The following MAPKAP1 variants were observed in gnomAD, a reference collection of about 807,000 sequenced individuals.
MAPKAP1 encodes MAPK associated protein 1, also known as target of rapamycin complex 2 subunit MAPKAP1.
Under a neutral mutation model 65.7 loss-of-function variants are expected in MAPKAP1, and 20 were observed. The ratio of observed to expected loss-of-function variants is 0.30; its 90% CI spans 0.21 to 0.44. The LOEUF is 0.44. Among genes scored for constraint, MAPKAP1 ranks in the 20% least tolerant of loss-of-function variants. The pLI is 1.00. For synonymous variants in MAPKAP1, 222 were observed against 244.3 expected (o/e 0.91, Z 0.85); for missense variants, 423 against 648.0 (o/e 0.65, Z 3.77).
intron 1 of MAPKAP1, among the ~76,000 whole-genome samples, chr9:125,694,601 G>GC (rs1480185862): frequency 1.3e-5 from 2 of 151,894 alleles, no homozygotes; most frequent in African/African-American, 4.8e-5. Flanking sequence ...CGTTTTCCCC[G>GC]CCCCCTCTCC....
At chr9:125,581,602 T>C (rs1247675328) in intron 5 of MAPKAP1, among the ~76,000 whole-genome samples, 1 of 152,236 alleles carries the variant, frequency 6.6e-6, no homozygotes, top group East Asian at 1.9e-4. Context: ...AGATATGTGG[T>C]TTACAAATAT....
chr9:125,552,278 A>C (rs142515605), intron 6 of MAPKAP1, among the ~76,000 whole-genome samples: 1 of 152,110 alleles, frequency 6.6e-6, no homozygotes, highest in Non-Finnish European at 1.5e-5. Flanking sequence ...CTGAACAACA[A>C]CTCTATCCAG....
rs567173726 is a variant in MAPKAP1, at chr9:125,481,420, T to C, written c.1207+3023A>G. ...GTCTTGACCACAGTTGGGCTACTTA[T>C]TGGGCTTCTTTTTTTCCTTTGAGAC... On this transcript the variant is annotated intron_variant, in intron 9 of 11. Coordinates refer to ENST00000265960, the MANE Select transcript of MAPKAP1 (RefSeq NM_001006617.3). Among the ~76,000 whole-genome samples the C allele has an allele frequency of 5.3e-4, 80 of 152,268 alleles. 1 individual carries two copies. Among genetic ancestry groups the C allele is most frequent in the African/African-American group, 1.8e-3 (74 of 41,556 alleles).
rs532112154 is a variant in MAPKAP1 at position 125,636,964 on chromosome 9, T to C, written c.498+20687A>G. Among the ~76,000 whole-genome samples, 4 of 152,268 alleles carry C rather than the reference T, an allele frequency of 2.6e-5. No homozygotes were observed. In the East Asian group the frequency reaches 7.7e-4, roughly 29 times the overall value. On this transcript the variant is annotated intron_variant, in intron 4 of 11. Coordinates refer to ENST00000265960, the MANE Select transcript of MAPKAP1 (RefSeq NM_001006617.3). ...TGATTAGAAATGCCACAAGTCAATA[T>C]CTAATTAAATTTATTGCAAACTGGC...
intron 5 of MAPKAP1, among the ~76,000 whole-genome samples, chr9:125,562,355 G>A (rs557785109): frequency 6.6e-6 from 1 of 152,280 alleles, no homozygotes; most frequent in South Asian, 2.1e-4. Context: ...GTGCCCCCCT[G>A]GGCTGTGGCC....
chr9:125,533,677 G>A (rs1312994364), intron 7 of MAPKAP1, among the ~76,000 whole-genome samples: 4 of 152,054 alleles, frequency 2.6e-5, no homozygotes, highest in African/African-American at 9.7e-5. Flanking sequence ...TCTCAAACTC[G>A]ACCTCAGGTG....
intron 4 of MAPKAP1, among the ~76,000 whole-genome samples, chr9:125,644,505 T>C (rs554504538): frequency 6.6e-6 from 1 of 152,358 alleles, no homozygotes; most frequent in Admixed American, 6.5e-5. Context: ...TAATGTAATA[T>C]CGAAGTCACA....
intron 10 of MAPKAP1, among the ~76,000 whole-genome samples, chr9:125,458,441 G>T (rs1179606613): frequency 6.6e-6 from 1 of 151,926 alleles, no homozygotes; most frequent in African/African-American, 2.4e-5. Flanking sequence ...CTGCCTTCAA[G>T]CATCTGTTTA....
intron 11 of MAPKAP1, among the ~76,000 whole-genome samples, chr9:125,440,049 C>T (rs1397606035): frequency 6.6e-6 from 1 of 152,200 alleles, no homozygotes; most frequent in Non-Finnish European, 1.5e-5. Flanking sequence ...GTCCCTGGAA[C>T]TGCGAGAGCT....
intron 11 of MAPKAP1, among the ~76,000 whole-genome samples, chr9:125,440,854 G>T (rs1184346550): frequency 5.3e-5 from 8 of 152,174 alleles, no homozygotes; most frequent in Non-Finnish European, 1.0e-4. Context: ...GAAATCTTTG[G>T]ATTATATTGT....
chr9:125,707,103 T>G lies in MAPKAP1; in HGVS notation c.-202A>C. 2 of 398,154 alleles carry G rather than the reference T, an allele frequency of 5.0e-6. No homozygotes were observed. Among genetic ancestry groups the G allele is most frequent in the Non-Finnish European group, 8.9e-6 (2 of 225,784 alleles). The allele number at this position is 398,154 out of a possible 1,614,324, so 24.7% of individuals were successfully genotyped here. The stretch of plus-strand genomic sequence containing the variant: ...CGGGATCCACGGGGACCGGCGCTCC[T>G]CCCGGCCCGCTCAGCTGCCGCTTCC... On this transcript the variant is annotated 5_prime_UTR_variant, in exon 1 of 12. Coordinates refer to ENST00000265960, the MANE Select transcript of MAPKAP1 (RefSeq NM_001006617.3).
rs188716604 is a variant in MAPKAP1, at chr9:125,697,077, C to A, written c.-70+9894G>T. On this transcript the variant is annotated intron_variant, in intron 1 of 11. Coordinates refer to ENST00000265960, the MANE Select transcript of MAPKAP1 (RefSeq NM_001006617.3). ...TGGTAGCACCGGGATAATGATACCA[C>A]CAATACGAATACAACTCTTCTTCCA... 2.4e-3 allele frequency among the ~76,000 whole-genome samples: 365 copies of A among 152,260 alleles called. 1 individual carries two copies. The Middle Eastern group carries it at 0.041, about 17-fold the overall frequency.
intron 8 of MAPKAP1, among the ~76,000 whole-genome samples, chr9:125,503,919 T>G: frequency 7.8e-6 from 1 of 127,788 alleles, no homozygotes; most frequent in Non-Finnish European, 1.6e-5. Context: ...GTATTTTTGG[T>G]AGAGACGGGG....
At chr9:125,492,989 A>T (rs1333723131) in intron 8 of MAPKAP1, among the ~76,000 whole-genome samples, 6 of 152,180 alleles carry the variant, frequency 3.9e-5, no homozygotes, top group Non-Finnish European at 8.8e-5. Flanking sequence ...GGAGGAATAT[A>T]GGAAAAAACA....
intron 1 of MAPKAP1, among the ~76,000 whole-genome samples, chr9:125,681,260 T>C (rs895907034): frequency 1.6e-4 from 24 of 152,186 alleles, no homozygotes; most frequent in African/African-American, 5.6e-4. Context: ...GGAAGGAATG[T>C]TGTGGAAATT....
chr9:125,658,528 C>T (rs1834097643), intron 3 of MAPKAP1, among the ~76,000 whole-genome samples: 1 of 152,150 alleles, frequency 6.6e-6, no homozygotes, highest in Non-Finnish European at 1.5e-5. Flanking sequence ...TAGCCCTGGA[C>T]CACACAGCTA....
At chr9:125,530,067 T>C (rs929158565) in intron 7 of MAPKAP1, among the ~76,000 whole-genome samples, 8 of 152,350 alleles carry the variant, frequency 5.3e-5, no homozygotes, top group East Asian at 3.9e-4. Context: ...ACAGCTCCAG[T>C]ATCAGGCCTC....
At chr9:125,601,667 T>G (rs1272396289) in intron 4 of MAPKAP1, among the ~76,000 whole-genome samples, 7 of 152,238 alleles carry the variant, frequency 4.6e-5, no homozygotes, top group Non-Finnish European at 1.0e-4. Flanking sequence ...GTCTCTTCAG[T>G]AATTATAATT....
Position 125,583,988 on chromosome 9 carries a change from G to A in MAPKAP1, c.671+1567C>T, listed in dbSNP as rs562681487. Among the ~76,000 whole-genome samples, 9 of 152,104 alleles carry A rather than the reference G, an allele frequency of 5.9e-5. No individual in the cohort carries two copies. The East Asian group carries it at 7.7e-4, about 13-fold the overall frequency. On this transcript the variant is annotated intron_variant, in intron 5 of 11. Coordinates refer to ENST00000265960, the MANE Select transcript of MAPKAP1 (RefSeq NM_001006617.3). ...TGAGGTAGGAGAATGGCGTGAACCC[G>A]GGAGGCGGAGCCTGCAGTGAGCCGA...
Sources: gnomAD v4.1 joint callset for allele counts (sites outside exome capture counted in the v4.1 genomes callset) on GRCh38, gnomAD v4.1.1 for gene constraint, MANE v1.5 for transcripts, NCBI Gene and HGNC (gene_info 2026-07-23, HGNC 2026-07-21) for gene names.